PRDM16: variants seen among roughly 807,000 people sequenced by gnomAD.
PRDM16 encodes histone-lysine N-methyltransferase PRDM16.
Under a neutral mutation model 110.6 loss-of-function variants are expected in PRDM16, and 23 were observed. The ratio of observed to expected loss-of-function variants is 0.21; its 90% CI spans 0.15 to 0.29. PRDM16 has a LOEUF of 0.29. Among genes scored for constraint, PRDM16 ranks in the 10% least tolerant of loss-of-function variants. The probability of loss-of-function intolerance (pLI) is 1.00; values close to 1 mark genes in which losing one functional copy is unlikely to be tolerated. For missense variants in PRDM16, 1,615 were observed against 1,794.3 expected, an observed-to-expected ratio of 0.90 and a Z score of 1.81; for synonymous variants, 799 against 781.8, an observed-to-expected ratio of 1.02 and a Z score of -0.37.
chr1:3,271,830 G>C (rs548086557), intron 3 of PRDM16, among the ~76,000 whole-genome samples: 1 of 152,282 alleles, frequency 6.6e-6, no homozygotes, highest in South Asian at 2.1e-4. Context: ...CGGAGTCCTG[G>C]GCACAGGGCT....
intron 3 of PRDM16, among the ~76,000 whole-genome samples, chr1:3,283,151 G>T (rs931857971): frequency 2.0e-5 from 3 of 152,160 alleles, no homozygotes; most frequent in African/African-American, 7.2e-5. Context: ...CGGGCTCATG[G>T]GTGGGAACTG....
chr1:3,365,813 G>T (rs922742939), intron 3 of PRDM16, among the ~76,000 whole-genome samples: 1 of 152,226 alleles, frequency 6.6e-6, no homozygotes, highest in Non-Finnish European at 1.5e-5. Context: ...GAGGAGGTTG[G>T]GGTGGAAGGA....
rs1557441610 is a variant in PRDM16 at position 3,094,766 on chromosome 1, T to C, written c.37+25470T>C. Among the ~76,000 whole-genome samples the C allele has an allele frequency of 2.0e-5, 3 of 152,166 alleles. No homozygotes were observed. The South Asian group carries it at 6.2e-4, about 32-fold the overall frequency. On this transcript the variant is annotated intron_variant, in intron 1 of 16. Coordinates refer to ENST00000270722, the MANE Select transcript of PRDM16 (RefSeq NM_022114.4). Reference sequence around the variant, plus strand: ...GTTCCTGCTTAAATGAGCAAGGCCTTCGGGTGCTTCCCGGCCTCCCTGGAC... The same window carrying C: ...GTTCCTGCTTAAATGAGCAAGGCCTCCGGGTGCTTCCCGGCCTCCCTGGAC...
intron 3 of PRDM16, among the ~76,000 whole-genome samples, chr1:3,314,181 C>T (rs748699818): frequency 1.1e-4 from 16 of 150,794 alleles, no homozygotes; most frequent in Admixed American, 2.0e-4. Context: ...TTTCCAGGAC[C>T]GTGACAAGGT....
At chr1:3,321,988 A>G (rs930343008) in intron 3 of PRDM16, among the ~76,000 whole-genome samples, 25 of 148,890 alleles carry the variant, frequency 1.7e-4, no homozygotes, top group African/African-American at 5.2e-4. Context: ...GTGGGGGTGC[A>G]TGTGTGTGTG....
At chr1:3,385,426 G>A (rs1231973825) in intron 4 of PRDM16, 140 bp downstream of exon 4, 12 of 862,050 alleles carry the variant, frequency 1.4e-5, no homozygotes, top group Non-Finnish European at 2.2e-5. Flanking sequence ...CTGCAGTGGG[G>A]GTGCTGTTTG....
chr1:3,094,473 C>T (rs549197269), intron 1 of PRDM16, among the ~76,000 whole-genome samples: 80 of 152,362 alleles, frequency 5.3e-4, no homozygotes, highest in African/African-American at 1.8e-3. Context: ...AGCTTGGCAT[C>T]AGGATCCGGT....
chr1:3,236,842 T>C (rs1221388165), intron 2 of PRDM16, among the ~76,000 whole-genome samples: 1 of 152,130 alleles, frequency 6.6e-6, no homozygotes, highest in Non-Finnish European at 1.5e-5. Context: ...TGTTCTGGGG[T>C]TTACATGCAT....
intron 1 of PRDM16, among the ~76,000 whole-genome samples, chr1:3,145,987 C>T (rs368223886): frequency 9.9e-5 from 15 of 152,206 alleles, no homozygotes; most frequent in Admixed American, 2.6e-4. Flanking sequence ...GGGACTCACA[C>T]GCCTCACCGC....
At chr1:3,351,498 C>G (rs1260595543) in intron 3 of PRDM16, among the ~76,000 whole-genome samples, 1 of 137,414 alleles carries the variant, frequency 7.3e-6, no homozygotes, top group South Asian at 2.4e-4. Flanking sequence ...CCTGGGCCCT[C>G]AGCTCACTGT....
At chr1:3,355,332 C>T (rs1642573408) in intron 3 of PRDM16, among the ~76,000 whole-genome samples, 1 of 152,184 alleles carries the variant, frequency 6.6e-6, no homozygotes, top group African/African-American at 2.4e-5. Flanking sequence ...CCCACCCACC[C>T]ACCATCTGAC....
chr1:3,394,493 TG>T (rs1307541032), intron 4 of PRDM16: 1 of 62,378 alleles, frequency 1.6e-5, no homozygotes, highest in African/African-American at 3.2e-4. Context: ...GAGAGGGAGG[TG>T]GTGGGTGGGG....
At chr1:3,272,643 G>T (rs1640485199) in intron 3 of PRDM16, among the ~76,000 whole-genome samples, 1 of 152,228 alleles carries the variant, frequency 6.6e-6, no homozygotes, top group Non-Finnish European at 1.5e-5. Context: ...CTGTGTGTTG[G>T]CTGCATCGCC....
intron 3 of PRDM16, among the ~76,000 whole-genome samples, chr1:3,374,353 G>C (rs1237645319): frequency 1.3e-5 from 2 of 152,212 alleles, no homozygotes; most frequent in African/African-American, 4.8e-5. Context: ...CTTTAAAAAT[G>C]ACACATCTGT....
intron 1 of PRDM16, among the ~76,000 whole-genome samples, chr1:3,181,182 ACG>A (rs1171938478): frequency 1.1e-4 from 16 of 141,724 alleles, no homozygotes; most frequent in East Asian, 6.9e-4. Context: ...GGTCTTACAC[ACG>A]CAGTCTTACG....
intron 3 of PRDM16, among the ~76,000 whole-genome samples, chr1:3,299,239 G>C (rs545448546): frequency 3.3e-5 from 5 of 150,356 alleles, no homozygotes; most frequent in Admixed American, 6.6e-5. Flanking sequence ...TGCTGTGGCC[G>C]TGATGTTTCA....
intron 2 of PRDM16, among the ~76,000 whole-genome samples, chr1:3,195,369 A>C (rs544304907): frequency 6.6e-6 from 1 of 152,268 alleles, no homozygotes; most frequent in Admixed American, 6.5e-5. Flanking sequence ...TTTTAGAAAA[A>C]AGGAGAGAGA....
At chr1:3,278,826 G>A (rs759508849) in intron 3 of PRDM16, among the ~76,000 whole-genome samples, 52 of 152,208 alleles carry the variant, frequency 3.4e-4, no homozygotes, top group Non-Finnish European at 6.2e-4. Context: ...CAGAGGGGAC[G>A]GGGCAGCGGA....
intron 3 of PRDM16, among the ~76,000 whole-genome samples, chr1:3,315,209 A>G (rs1229035407): frequency 1.9e-5 from 2 of 105,882 alleles, no homozygotes; most frequent in African/African-American, 4.8e-5. Context: ...CCCTCTCCCT[A>G]CATTCTTTGC....
Sources: allele counts gnomAD v4.1 joint callset (sites outside exome capture counted in the v4.1 genomes callset), GRCh38; gene constraint gnomAD v4.1.1; transcripts MANE v1.5; gene names NCBI Gene and HGNC (gene_info 2026-07-23, HGNC 2026-07-21).